FTO: variants seen among roughly 807,000 people sequenced by gnomAD.
FTO encodes the protein alpha-ketoglutarate-dependent dioxygenase FTO.
Under a neutral mutation model 63.9 loss-of-function variants are expected in FTO, and 47 were observed. The ratio of observed to expected loss-of-function variants is 0.74; its 90% CI spans 0.58 to 0.94. FTO has a LOEUF of 0.94. Ranked by LOEUF, FTO falls within the 40% of genes least tolerant of loss-of-function variation. The pLI is 0.00. For missense variants in FTO, 562 were observed against 618.1 expected (o/e 0.91, Z 0.96); for synonymous variants, 207 against 224.4 (o/e 0.92, Z 0.69).
chr16:54,058,378 CT>C (rs781124499), intron 8 of FTO, among the ~76,000 whole-genome samples: 1 of 152,188 alleles, frequency 6.6e-6, no homozygotes, highest in Non-Finnish European at 1.5e-5. Flanking sequence ...CCACCTCAGC[CT>C]CCCAAAGTGC....
At chr16:53,812,376 G>A (rs1281489706) in intron 2 of FTO, among the ~76,000 whole-genome samples, 1 of 151,552 alleles carries the variant, frequency 6.6e-6, no homozygotes, top group Non-Finnish European at 1.5e-5. Flanking sequence ...GTTCAAGCAA[G>A]TGCATCTGGC....
chr16:53,750,392 C>G (rs1302542525), intron 1 of FTO, among the ~76,000 whole-genome samples: 1 of 152,010 alleles, frequency 6.6e-6, no homozygotes, highest in Non-Finnish European at 1.5e-5. Context: ...TGCACGCCAC[C>G]ACACCTGGCG....
intron 2 of FTO, among the ~76,000 whole-genome samples, chr16:53,821,082 A>C (rs2078854586): frequency 6.6e-6 from 1 of 152,134 alleles, no homozygotes; most frequent in South Asian, 2.1e-4. Flanking sequence ...CCCCATATTA[A>C]ATATATCTTA....
chr16:54,046,346 A>T (rs2085171859), intron 8 of FTO, among the ~76,000 whole-genome samples: 1 of 67,604 alleles, frequency 1.5e-5, no homozygotes, highest in Non-Finnish European at 2.3e-5. Flanking sequence ...ATCATGAGTG[A>T]ACTCCCATTC....
rs377066218 is a variant in FTO at position 53,751,258 on chromosome 16, A to T, written c.45+47029A>T. Reference sequence around the variant, plus strand: ...CCCTCTCTCTATTAAAAAAAAATTTACCATCCTGGCTAACACGGTGAAACC... The same window carrying T: ...CCCTCTCTCTATTAAAAAAAAATTTTCCATCCTGGCTAACACGGTGAAACC... On this transcript the variant is annotated intron_variant, in intron 1 of 8. Transcript: ENST00000471389. Among the ~76,000 whole-genome samples, 14 of 152,184 alleles carry T rather than the reference A, an allele frequency of 9.2e-5. No individual in the cohort carries two copies. In the East Asian group the frequency reaches 2.5e-3, roughly 27 times the overall value.
intron 8 of FTO, among the ~76,000 whole-genome samples, chr16:54,029,013 A>G (rs1263384507): frequency 2.6e-5 from 4 of 152,182 alleles, no homozygotes; most frequent in African/African-American, 9.6e-5. Context: ...CAAATACCTT[A>G]ATTAGTAATT....
chr16:54,012,102 T>A (rs1318455106), intron 8 of FTO, among the ~76,000 whole-genome samples: 1 of 152,262 alleles, frequency 6.6e-6, no homozygotes, highest in African/African-American at 2.4e-5. Flanking sequence ...CCAAGACTTT[T>A]GTGCCAAATA....
chr16:53,846,106 A>G (rs559649552), intron 4 of FTO, among the ~76,000 whole-genome samples: 23 of 151,974 alleles, frequency 1.5e-4, no homozygotes, highest in African/African-American at 5.3e-4. Context: ...ATGAGGTAGA[A>G]CAGGGACCAG....
chr16:54,103,545 A>G (rs114528851), intron 8 of FTO, among the ~76,000 whole-genome samples: 255 of 152,368 alleles, frequency 1.7e-3, no homozygotes, highest in African/African-American at 5.8e-3. Context: ...AAGCCTTTCA[A>G]AGAAAAAGTG....
At chr16:53,818,790 C>T (rs2078770101) in intron 2 of FTO, among the ~76,000 whole-genome samples, 1 of 151,838 alleles carries the variant, frequency 6.6e-6, no homozygotes, top group Non-Finnish European at 1.5e-5. Flanking sequence ...AAGTTTGTTA[C>T]TTTAATATTC....
intron 8 of FTO, among the ~76,000 whole-genome samples, chr16:54,105,875 A>C (rs1430353239): frequency 6.6e-6 from 1 of 151,540 alleles, no homozygotes; most frequent in Non-Finnish European, 1.5e-5. Context: ...TGAAATCTTT[A>C]TCATTTCATC....
In FTO at chr16:53,933,550, G is replaced by T. The variant is rs577394706; in HGVS notation, c.1240-435G>T. Among the ~76,000 whole-genome samples the T allele has an allele frequency of 1.1e-3, 170 of 152,252 alleles. 2 individuals are homozygous for T. The highest frequency in any genetic ancestry group is 1.4e-3 in the Non-Finnish European group (97 of 68,022). On this transcript the variant is annotated intron_variant, in intron 7 of 8. Transcript: ENST00000471389. ...AAATTTAAAGTAATGATTCAAATAA[G>T]AGAGGCAGAGAAAGCCTCAGCTGGG...
chr16:53,759,555 A>C (rs921329161), intron 1 of FTO, among the ~76,000 whole-genome samples: 2 of 151,958 alleles, frequency 1.3e-5, no homozygotes, highest in East Asian at 3.9e-4. Flanking sequence ...TTAGCTGGGC[A>C]TGGTGGTGGG....
chr16:53,990,531 TA>T (rs2083783363), intron 8 of FTO, among the ~76,000 whole-genome samples: 1 of 152,158 alleles, frequency 6.6e-6, no homozygotes, highest in African/African-American at 2.4e-5. Flanking sequence ...CTTCCTCCCA[TA>T]AAGGCTGGAT....
At chr16:53,937,399 G>A (rs909688903) in intron 8 of FTO, 5 of 395,406 alleles carry the variant, frequency 1.3e-5, no homozygotes, top group African/African-American at 6.2e-5. Flanking sequence ...AGAACTGGGC[G>A]AGCCCTCTGA....
At chr16:53,836,860 G>C (rs1345917309) in intron 3 of FTO, among the ~76,000 whole-genome samples, 1 of 152,132 alleles carries the variant, frequency 6.6e-6, no homozygotes, top group African/African-American at 2.4e-5. Flanking sequence ...GCTTTGGGGA[G>C]GAGAGAAACT....
At chr16:53,776,092 G>C (rs1167887960) in intron 1 of FTO, among the ~76,000 whole-genome samples, 1 of 152,112 alleles carries the variant, frequency 6.6e-6, no homozygotes, top group African/African-American at 2.4e-5. Context: ...GATTACTACT[G>C]AAATTAACTA....
In FTO at chr16:53,857,628, A is replaced by G. The variant is rs556651244; in HGVS notation, c.895+13330A>G. 7.2e-5 allele frequency among the ~76,000 whole-genome samples: 11 copies of G among 152,198 alleles called. No individual in the cohort carries two copies. The South Asian group carries it at 2.3e-3, about 32-fold the overall frequency. On this transcript the variant is annotated intron_variant, in intron 4 of 8. Coordinates refer to ENST00000471389, the MANE Select transcript of FTO (RefSeq NM_001080432.3). ...ACTGGGGTGGACCTCTGCTTGGTTT[A>G]CAGAGAAGTTGGGTACTCACTTCAT...
chr16:53,871,256 C>T (rs921754976), intron 4 of FTO, among the ~76,000 whole-genome samples: 2 of 152,152 alleles, frequency 1.3e-5, no homozygotes, highest in African/African-American at 4.8e-5. Flanking sequence ...GTTTTTGTCA[C>T]TCTTTCTTCC....
Sources: allele counts gnomAD v4.1 joint callset (sites outside exome capture counted in the v4.1 genomes callset), GRCh38; gene constraint gnomAD v4.1.1; transcripts MANE v1.5; gene names NCBI Gene and HGNC (gene_info 2026-07-23, HGNC 2026-07-21).